STK32A: variants seen among roughly 807,000 people sequenced by gnomAD.
The protein encoded by STK32A is serine/threonine kinase 32A.
A neutral mutation model predicts 53.2 loss-of-function variants in STK32A; 41 were observed. The ratio of observed to expected loss-of-function variants is 0.77; its 90% CI spans 0.60 to 1.00. STK32A has a LOEUF of 1.00. STK32A is among the 50% of genes least tolerant of loss of function. The pLI is 0.00. For synonymous variants in STK32A, 166 were observed against 162.8 expected (o/e 1.02, Z -0.15); for missense variants, 458 against 485.8 (o/e 0.94, Z 0.54).
chr5:147,260,291 G>A (rs1298808877), intron 2 of STK32A, among the ~76,000 whole-genome samples: 13 of 68,732 alleles, frequency 1.9e-4, no homozygotes, highest in African/African-American at 7.3e-4. Context: ...TCTCTCTCTC[G>A]CCTGTCTCTC....
intron 2 of STK32A, among the ~76,000 whole-genome samples, chr5:147,244,562 G>A (rs555489927): frequency 9.9e-5 from 15 of 152,250 alleles, no homozygotes; most frequent in African/African-American, 3.4e-4. Context: ...GCTGTGCCAC[G>A]TGCCAGTAAT....
intron 5 of STK32A, among the ~76,000 whole-genome samples, chr5:147,324,475 T>C (rs916129843): frequency 1.3e-5 from 2 of 152,320 alleles, no homozygotes; most frequent in South Asian, 2.1e-4. Context: ...ATATTTGCTG[T>C]CCTGCAGTCT....
intron 2 of STK32A, among the ~76,000 whole-genome samples, chr5:147,247,435 A>G (rs566886070): frequency 6.6e-6 from 1 of 152,400 alleles, no homozygotes; most frequent in Admixed American, 6.5e-5. Context: ...TGAATCCAAT[A>G]GCCTTGCATA....
intron 10 of STK32A, among the ~76,000 whole-genome samples, chr5:147,374,278 C>A (rs1354888283): frequency 7.3e-6 from 1 of 136,172 alleles, no homozygotes; most frequent in African/African-American, 3.2e-5. Flanking sequence ...CAGAGTGAGA[C>A]CCTGTCTCAA....
the STK32A span, among the ~76,000 whole-genome samples, chr5:147,398,729 A>C: frequency 6.6e-6 from 1 of 152,246 alleles, no homozygotes; most frequent in East Asian, 1.9e-4. Flanking sequence ...ACTGGCTAAG[A>C]CCAGTGCCAT....
intron 4 of STK32A, among the ~76,000 whole-genome samples, chr5:147,298,447 C>T (rs1329220116): frequency 1.3e-5 from 2 of 152,178 alleles, no homozygotes; most frequent in African/African-American, 4.8e-5. Context: ...AAAGGTACCA[C>T]ATTTTGGCCA....
intron 4 of STK32A, among the ~76,000 whole-genome samples, chr5:147,321,427 T>G (rs1456413589): frequency 6.6e-6 from 1 of 152,230 alleles, no homozygotes; most frequent in Non-Finnish European, 1.5e-5. Flanking sequence ...GCCTCTGATG[T>G]GCCAAAGGAG....
chr5:147,306,931 G>T (rs1183987954), intron 4 of STK32A, among the ~76,000 whole-genome samples: 1 of 152,128 alleles, frequency 6.6e-6, no homozygotes, highest in Non-Finnish European at 1.5e-5. Flanking sequence ...TTAGAAGAAA[G>T]TGTGGAATCA....
chr5:147,287,101 T>C (rs1752381315), intron 4 of STK32A, among the ~76,000 whole-genome samples: 1 of 152,198 alleles, frequency 6.6e-6, no homozygotes, highest in Non-Finnish European at 1.5e-5. Flanking sequence ...AAATAGCTTT[T>C]GCAGAGCTGA....
intron 2 of STK32A, among the ~76,000 whole-genome samples, chr5:147,251,357 T>C (rs896786703): frequency 2.0e-5 from 3 of 152,194 alleles, no homozygotes; most frequent in Admixed American, 1.3e-4. Context: ...TCCAGTAACA[T>C]TCTTGTTAGG....
intron 5 of STK32A, among the ~76,000 whole-genome samples, chr5:147,336,175 T>A (rs1755110451): frequency 6.6e-6 from 1 of 152,196 alleles, no homozygotes; most frequent in Admixed American, 6.5e-5. Flanking sequence ...TATATATACA[T>A]ACACACTCAT....
At chr5:147,289,017 T>C (rs1284853898) in intron 4 of STK32A, among the ~76,000 whole-genome samples, 1 of 152,186 alleles carries the variant, frequency 6.6e-6, no homozygotes, top group African/African-American at 2.4e-5. Flanking sequence ...CATTCTGAAC[T>C]TGCCCATCTC....
chr5:147,401,784 C>G, the STK32A span: 1 of 1,508,508 alleles, frequency 6.6e-7, no homozygotes, highest in Non-Finnish European at 8.9e-7. Context: ...CTAAGCCTAC[C>G]CAGGACTGTG....
rs147137103 is a variant in STK32A at position 147,287,026 on chromosome 5, G to A, written c.260+7628G>A. 1.6e-3 allele frequency among the ~76,000 whole-genome samples: 251 copies of A among 152,244 alleles called. 1 individual carries two copies. Among genetic ancestry groups the A allele is most frequent in the African/African-American group, 5.8e-3 (243 of 41,562 alleles). On this transcript the variant is annotated intron_variant, in intron 4 of 12. Coordinates refer to ENST00000397936, the MANE Select transcript of STK32A (RefSeq NM_001112724.2). ...GGCAATAAAACTGTTGCTTTGTAGC[G>A]TATTTCTTAGGCAGCCACATATATA...
chr5:147,281,334 C>T (rs1752054926), intron 4 of STK32A, among the ~76,000 whole-genome samples: 1 of 152,040 alleles, frequency 6.6e-6, no homozygotes, highest in Non-Finnish European at 1.5e-5. Flanking sequence ...AGGTGAAGCT[C>T]AGTGCAAGGG....
At chr5:147,280,924 A>G (rs1280035939) in intron 4 of STK32A, among the ~76,000 whole-genome samples, 2 of 152,186 alleles carry the variant, frequency 1.3e-5, no homozygotes, top group Non-Finnish European at 2.9e-5. Flanking sequence ...ACTGGTATCC[A>G]CAGCTGAGAG....
chr5:147,257,048 G>A (rs1359225643), intron 2 of STK32A, among the ~76,000 whole-genome samples: 1 of 152,154 alleles, frequency 6.6e-6, no homozygotes, highest in Non-Finnish European at 1.5e-5. Flanking sequence ...AGAAATTTGA[G>A]AGTTTGAGAT....
intron 2 of STK32A, among the ~76,000 whole-genome samples, chr5:147,272,895 G>A (rs1461023047): frequency 2.0e-5 from 3 of 152,166 alleles, no homozygotes; most frequent in Non-Finnish European, 4.4e-5. Context: ...CTCGTTGCCT[G>A]TTCAGTAGAA....
intron 4 of STK32A, among the ~76,000 whole-genome samples, chr5:147,294,657 C>T (rs890111375): frequency 6.6e-6 from 1 of 151,712 alleles, no homozygotes; most frequent in South Asian, 2.1e-4. Flanking sequence ...AATTGTCTCT[C>T]TTATATCTAG....
Sources: allele counts gnomAD v4.1 joint callset (sites outside exome capture counted in the v4.1 genomes callset), GRCh38; gene constraint gnomAD v4.1.1; transcripts MANE v1.5; gene names NCBI Gene and HGNC (gene_info 2026-07-23, HGNC 2026-07-21).